The following GLS variants were observed in gnomAD, a reference collection of about 807,000 sequenced individuals.
The protein encoded by GLS is glutaminase kidney isoform, mitochondrial.
Under a neutral mutation model 86.7 loss-of-function variants are expected in GLS, and 36 were observed. That is an observed-to-expected ratio of 0.42 (90% confidence interval 0.32 to 0.55). GLS has a LOEUF of 0.55. Among genes scored for constraint, GLS ranks in the 20% least tolerant of loss-of-function variants. The pLI is 0.17. For synonymous variants in GLS, 317 were observed against 305.9 expected (o/e 1.04, Z -0.38); for missense variants, 528 against 833.4 (o/e 0.63, Z 4.51).
chr2:190,919,486 T>C (rs1214436350), intron 7 of GLS: 1 of 152,334 alleles, frequency 6.6e-6, no homozygotes. Context: ...TTGTTTATTT[T>C]ACATTGATTG....
In GLS at chr2:190,955,258, C is replaced by A. The variant is rs1240640464; in HGVS notation, c.1853+440C>A. ...AACCCATCATCTACATTAGGTATTTCTTCTAATGCGATCCCTCCCTTACCC... is the reference window on the plus strand; with the variant it reads ...AACCCATCATCTACATTAGGTATTTATTCTAATGCGATCCCTCCCTTACCC... On this transcript the variant is annotated intron_variant, in intron 17 of 17. Transcript: ENST00000320717. This position sits in a 1 kb window ranked among gnomAD's most constrained non-coding sequence, Gnocchi z 5.6. Among the ~76,000 whole-genome samples, 1 of 152,130 alleles carries A rather than the reference C, an allele frequency of 6.6e-6. No individual in the cohort carries two copies. Among genetic ancestry groups the A allele is most frequent in the African/African-American group, 2.4e-5 (1 of 41,426 alleles).
At chr2:190,889,496 A>G (rs1456785251) in intron 1 of GLS, among the ~76,000 whole-genome samples, 2 of 152,328 alleles carry the variant, frequency 1.3e-5, no homozygotes, top group Admixed American at 6.5e-5. Flanking sequence ...TTCTACCTAT[A>G]TATGTTAGTT....
Position 190,953,558 on chromosome 2 carries a change from T to G in GLS, c.1651-7T>G. ...CTAAGGATGCCTAAACTTTCTTTTC[T>G]TCACAGGTAAAGTCAGTGATAAATC... On this transcript the variant is annotated splice_region_variant and splice_polypyrimidine_tract_variant and intron_variant, in intron 14 of 17. Transcript: ENST00000320717. This position sits in a 1 kb window ranked among gnomAD's most constrained non-coding sequence, Gnocchi z 4.0. 1.2e-6 allele frequency: 2 copies of G among 1,600,648 alleles called. No individual in the cohort carries two copies. The highest frequency in any genetic ancestry group is 1.7e-6 in the Non-Finnish European group (2 of 1,167,898).
chr2:190,911,894 G>C (rs941496819), intron 7 of GLS, among the ~76,000 whole-genome samples: 1 of 151,990 alleles, frequency 6.6e-6, no homozygotes, highest in African/African-American at 2.4e-5. Context: ...CATACACTAC[G>C]CATAGTCTCA....
rs1690793703 is a variant in GLS at position 190,954,022 on chromosome 2, G to T, written c.1712+396G>T. ...AAGCAGCTGGGGGGTTTGGTGTCTG[G>T]CAGATCATCAGGATTAGTAAGGCCA... is the stretch of plus-strand genomic sequence containing the variant. On this transcript the variant is annotated intron_variant, in intron 15 of 17. Coordinates refer to ENST00000320717, the MANE Select transcript of GLS (RefSeq NM_014905.5). The surrounding 1 kb of genome is among the most constrained non-coding windows in gnomAD (Gnocchi z 4.0). Among the ~76,000 whole-genome samples the T allele has an allele frequency of 6.7e-6, 1 of 148,184 alleles. No individual in the cohort carries two copies. Among genetic ancestry groups the T allele is most frequent in the South Asian group, 2.2e-4 (1 of 4,600 alleles).
intron 14 of GLS, chr2:190,933,956 T>A (rs1224453056): frequency 1.1e-6 from 1 of 929,462 alleles, no homozygotes; most frequent in Non-Finnish European, 1.3e-6. Flanking sequence ...CAAAACTTGT[T>A]TTTAAGAGAA....
rs1553572210 is a variant in GLS at position 190,880,912 on chromosome 2, G to GCAGCAGCAGCAGCAGCAC, written c.-165_-164insGCAGCAGCACCAGCAGCA. 1.5e-5 allele frequency: 14 copies of GCAGCAGCAGCAGCAGCAC among 946,724 alleles called. 1 individual carries two copies. Among genetic ancestry groups the GCAGCAGCAGCAGCAGCAC allele is most frequent in the South Asian group, 2.8e-5 (2 of 70,572 alleles). The allele number at this position is 946,724 out of a possible 1,614,324, so 58.6% of individuals were successfully genotyped here. On this transcript the variant is annotated 5_prime_UTR_variant, in exon 1 of 18. Coordinates refer to ENST00000320717, the MANE Select transcript of GLS (RefSeq NM_014905.5). ...AGCAGCAGCAGCAGCAGCAGCAGCA[G>GCAGCAGCAGCAGCAGCAC]CAGCAGCACCCGCATCCGCTGCGGG...
chr2:190,931,968 C>T (rs1690117937), intron 14 of GLS, among the ~76,000 whole-genome samples: 1 of 151,706 alleles, frequency 6.6e-6, no homozygotes, highest in Admixed American at 6.6e-5. Context: ...AAAAAAAGAA[C>T]AAAACAAAAC....
chr2:190,944,499 GT>G, intron 14 of GLS, among the ~76,000 whole-genome samples: 1 of 152,140 alleles, frequency 6.6e-6, no homozygotes, highest in Non-Finnish European at 1.5e-5. Context: ...CTGCAGTTTT[GT>G]TCTTTGGAGG....
At chr2:190,942,401 AAG>A (rs913581346) in intron 14 of GLS, among the ~76,000 whole-genome samples, 13 of 152,104 alleles carry the variant, frequency 8.5e-5, no homozygotes, top group African/African-American at 2.7e-4. Flanking sequence ...GACTTTAAAA[AAG>A]GGGAGAGAAT....
chr2:190,883,132 T>G lies in GLS; in HGVS notation c.386+1662T>G, dbSNP rs151106160. On this transcript the variant is annotated intron_variant, in intron 1 of 17. Coordinates refer to ENST00000320717, the MANE Select transcript of GLS (RefSeq NM_014905.5). ...CTTTTGTCAAACAGGAAATTGAGCT[T>G]CTTCTGTGATTCACTTGTCCAGAAG... Among the ~76,000 whole-genome samples, 367 of 152,306 alleles carry G rather than the reference T, an allele frequency of 2.4e-3. 1 individual carries two copies. Among genetic ancestry groups the G allele is most frequent in the African/African-American group, 4.8e-3 (201 of 41,546 alleles).
intron 11 of GLS, among the ~76,000 whole-genome samples, chr2:190,926,852 C>G (rs1689911747): frequency 6.6e-6 from 1 of 152,152 alleles, no homozygotes; most frequent in Non-Finnish European, 1.5e-5. Context: ...ATGTCAGGCA[C>G]TGTAGCATTT....
At chr2:190,926,842 A>G (rs1231129735) in intron 11 of GLS, among the ~76,000 whole-genome samples, 1 of 152,096 alleles carries the variant, frequency 6.6e-6, no homozygotes, top group Non-Finnish European at 1.5e-5. Context: ...TATGGGTGAA[A>G]TGTCAGGCAC....
chr2:190,934,530 C>T, intron 14 of GLS: 1 of 983,586 alleles, frequency 1.0e-6, no homozygotes, highest in Non-Finnish European at 1.2e-6. Context: ...ATTTGTGTTG[C>T]ATATTTATGT....
At chr2:190,926,342 A>T (rs1689893525) in intron 11 of GLS, among the ~76,000 whole-genome samples, 1 of 152,102 alleles carries the variant, frequency 6.6e-6, no homozygotes, top group South Asian at 2.1e-4. Flanking sequence ...TAGGGAAGAG[A>T]TTTTTTATAT....
chr2:190,888,583 G>A (rs1688464476), intron 1 of GLS, among the ~76,000 whole-genome samples: 1 of 152,170 alleles, frequency 6.6e-6, no homozygotes, highest in African/African-American at 2.4e-5. Context: ...TCTCAGTTCA[G>A]TGGTGGTAGC....
intron 11 of GLS, among the ~76,000 whole-genome samples, chr2:190,926,038 T>C (rs1689884865): frequency 6.6e-6 from 1 of 152,198 alleles, no homozygotes; most frequent in African/African-American, 2.4e-5. Context: ...TAATGTGACA[T>C]TTCTATACTT....
chr2:190,892,228 TATGATGGTAAG>T (rs1245566539), intron 1 of GLS, among the ~76,000 whole-genome samples: 1 of 152,078 alleles, frequency 6.6e-6, no homozygotes, highest in Non-Finnish European at 1.5e-5. Context: ...GAAGAAACAA[TATGATGGTAAG>T]ATGATCTTAA....
chr2:190,900,789 C>T, intron 4 of GLS, 96 bp downstream of exon 4: 1 of 840,540 alleles, frequency 1.2e-6, no homozygotes. Context: ...TTGTGTTTTG[C>T]TAAAGAAAAC....
Sources: gnomAD v4.1 joint callset for allele counts (sites outside exome capture counted in the v4.1 genomes callset) on GRCh38, gnomAD v4.1.1 for gene constraint, Gnocchi (gnomAD v3.1) non-coding constraint, MANE v1.5 for transcripts, NCBI Gene and HGNC (gene_info 2026-07-23, HGNC 2026-07-21) for gene names.